The following OTUD7A variants were observed in gnomAD, a reference collection of about 807,000 sequenced individuals.
OTUD7A encodes OTU domain-containing protein 7A.
OTUD7A carries 12 observed loss-of-function variants against 65.7 expected under a neutral mutation model. That is an observed-to-expected ratio of 0.18 (90% confidence interval 0.12 to 0.30). The LOEUF (loss-of-function observed/expected upper bound fraction) is 0.30. Ranked by LOEUF, OTUD7A falls within the 10% of genes least tolerant of loss-of-function variation. The pLI is 1.00. For synonymous variants in OTUD7A, 641 were observed against 586.3 expected, an observed-to-expected ratio of 1.09 and a Z score of -1.35; for missense variants, 1,148 against 1,304.8, an observed-to-expected ratio of 0.88 and a Z score of 1.85.
chr15:31,793,267 G>A (rs1439803102), intron 1 of OTUD7A, among the ~76,000 whole-genome samples: 1 of 152,128 alleles, frequency 6.6e-6, no homozygotes, highest in African/African-American at 2.4e-5. Flanking sequence ...GGCTGATTCT[G>A]GCCTGGTAGT....
At chr15:31,633,015 C>T (rs574395201) in intron 3 of OTUD7A, among the ~76,000 whole-genome samples, 19 of 151,304 alleles carry the variant, frequency 1.3e-4, no homozygotes, top group Non-Finnish European at 1.9e-4. Flanking sequence ...TTCCAGGTGC[C>T]GTCTGTCACC....
At chr15:31,810,504 G>C (rs1896390063) in intron 1 of OTUD7A, among the ~76,000 whole-genome samples, 1 of 152,190 alleles carries the variant, frequency 6.6e-6, no homozygotes, top group Non-Finnish European at 1.5e-5. Flanking sequence ...GCGTAGAAAA[G>C]AGGCCATGTG....
At chr15:31,539,071 G>C (rs1456570677) in intron 5 of OTUD7A, among the ~76,000 whole-genome samples, 1 of 152,184 alleles carries the variant, frequency 6.6e-6, no homozygotes, top group East Asian at 1.9e-4. Context: ...CCCTGCAGTA[G>C]AGACTGAGGA....
intron 3 of OTUD7A, among the ~76,000 whole-genome samples, chr15:31,576,321 A>G (rs1889202373): frequency 6.6e-6 from 1 of 152,200 alleles, no homozygotes; most frequent in Non-Finnish European, 1.5e-5. Flanking sequence ...AGACAAATGC[A>G]TATCTGGTTG....
chr15:31,768,995 T>C (rs575372228), intron 1 of OTUD7A, among the ~76,000 whole-genome samples: 1 of 152,174 alleles, frequency 6.6e-6, no homozygotes, highest in African/African-American at 2.4e-5. Flanking sequence ...AACAAAAAAC[T>C]GTCCATCTAA....
In OTUD7A at chr15:31,565,460, T is replaced by C. The variant is rs930631375; in HGVS notation, c.331+4558A>G. ...TTAAAATCTGAACAGAATCTGAATATGTGGAGAGGCATACATAATGTTCTT... is the reference window on the plus strand; with the variant it reads ...TTAAAATCTGAACAGAATCTGAATACGTGGAGAGGCATACATAATGTTCTT... On this transcript the variant is annotated intron_variant, in intron 4 of 12. Transcript: ENST00000307050. Among the ~76,000 whole-genome samples, 8 of 152,216 alleles carry C rather than the reference T, an allele frequency of 5.3e-5. 1 individual carries two copies. The highest frequency in any genetic ancestry group is 4.6e-4 in the Admixed American group (7 of 15,286).
At chr15:31,664,478 C>T (rs1308178776) in intron 1 of OTUD7A, among the ~76,000 whole-genome samples, 1 of 151,984 alleles carries the variant, frequency 6.6e-6, no homozygotes, top group Non-Finnish European at 1.5e-5. Flanking sequence ...TGAGAACTGT[C>T]TATTCATATC....
intron 8 of OTUD7A, among the ~76,000 whole-genome samples, chr15:31,509,527 C>T (rs1006024365): frequency 1.3e-5 from 2 of 152,154 alleles, no homozygotes; most frequent in African/African-American, 2.4e-5. Context: ...GACCGCCTGC[C>T]TTGGCCTCCC....
chr15:31,501,454 G>A (rs1037227074), intron 10 of OTUD7A, among the ~76,000 whole-genome samples: 2 of 152,154 alleles, frequency 1.3e-5, no homozygotes, highest in African/African-American at 2.4e-5. Flanking sequence ...TTTAAGGGTA[G>A]GTTGCCTTTG....
chr15:31,593,195 T>C (rs1889802178), intron 3 of OTUD7A, among the ~76,000 whole-genome samples: 1 of 151,992 alleles, frequency 6.6e-6, no homozygotes, highest in African/African-American at 2.4e-5. Context: ...AGCTCCACTG[T>C]AACCTTATGG....
At chr15:31,761,201 T>A (rs2102196) in intron 1 of OTUD7A, among the ~76,000 whole-genome samples, 150,464 of 152,324 alleles carry the variant, frequency 0.99, 74,348 homozygotes, top group East Asian at 1. Context: ...AAATTACAAA[T>A]ATTTATAGTT....
intron 1 of OTUD7A, among the ~76,000 whole-genome samples, chr15:31,673,840 C>T (rs1302876250): frequency 6.6e-6 from 1 of 152,206 alleles, no homozygotes; most frequent in Non-Finnish European, 1.5e-5. Context: ...GCGCATTGAG[C>T]TGTCACCCCA....
chr15:31,485,205 GC>G (rs1385860173), intron 12 of OTUD7A, among the ~76,000 whole-genome samples: 1 of 152,174 alleles, frequency 6.6e-6, no homozygotes, highest in African/African-American at 2.4e-5. Flanking sequence ...AAGGATGGAG[GC>G]CTTCAGGTGG....
intron 1 of OTUD7A, among the ~76,000 whole-genome samples, chr15:31,682,369 T>C (rs879409620): frequency 3.9e-5 from 6 of 152,216 alleles, no homozygotes; most frequent in Non-Finnish European, 8.8e-5. Context: ...GCAGGTTTCT[T>C]TGTAGGCACA....
chr15:31,525,563 G>GA (rs2041999420), intron 8 of OTUD7A, among the ~76,000 whole-genome samples: 1 of 152,240 alleles, frequency 6.6e-6, no homozygotes, highest in Non-Finnish European at 1.5e-5. Context: ...GAGCCTGAGG[G>GA]CAGCCTGGAG....
At chr15:31,616,622 GA>G (rs1462574403) in intron 3 of OTUD7A, among the ~76,000 whole-genome samples, 2 of 152,140 alleles carry the variant, frequency 1.3e-5, no homozygotes, top group Admixed American at 1.3e-4. Flanking sequence ...TTGGCTCACT[GA>G]AACCTCCACC....
intron 1 of OTUD7A, among the ~76,000 whole-genome samples, chr15:31,841,473 C>T (rs969436691): frequency 1.3e-5 from 2 of 152,164 alleles, no homozygotes; most frequent in Non-Finnish European, 2.9e-5. Context: ...CTCTACGCTG[C>T]CTCTGCCCCT....
intron 7 of OTUD7A, 82 bp from the exon 8 acceptor site, chr15:31,526,543 G>T: frequency 8.6e-7 from 1 of 1,162,634 alleles, no homozygotes; most frequent in Non-Finnish European, 1.2e-6. Context: ...ATCTGGACCA[G>T]CCTCACCGGG....
intron 1 of OTUD7A, among the ~76,000 whole-genome samples, chr15:31,681,996 T>C (rs1282476177): frequency 1.3e-5 from 2 of 152,126 alleles, no homozygotes; most frequent in Non-Finnish European, 2.9e-5. Context: ...GCACCCATGC[T>C]AGACTGGAGT....
Sources: allele counts gnomAD v4.1 joint callset (sites outside exome capture counted in the v4.1 genomes callset), GRCh38; gene constraint gnomAD v4.1.1; transcripts MANE v1.5; gene names NCBI Gene and HGNC (gene_info 2026-07-23, HGNC 2026-07-21).